The following KMT2C variants were observed in gnomAD, a reference collection of about 807,000 sequenced individuals.
The protein encoded by KMT2C is histone-lysine N-methyltransferase 2C.
KMT2C carries 88 observed loss-of-function variants against 507.9 expected under a neutral mutation model. That is an observed-to-expected ratio of 0.17 (90% confidence interval 0.15 to 0.21). KMT2C has a LOEUF of 0.21. Ranked by LOEUF, KMT2C falls within the 10% of genes least tolerant of loss-of-function variation. The pLI is 1.00. For missense variants in KMT2C, 4,954 were observed against 5,957.8 expected (o/e 0.83, Z 5.55); for synonymous variants, 2,049 against 2,080.8 (o/e 0.98, Z 0.42).
intron 8 of KMT2C, among the ~76,000 whole-genome samples, chr7:152,264,245 AAAT>A (rs1162893090): frequency 2.0e-5 from 3 of 152,194 alleles, no homozygotes; most frequent in African/African-American, 4.8e-5. Context: ...TTATCAAACT[AAAT>A]AATAAAAACA....
intron 44 of KMT2C, among the ~76,000 whole-genome samples, chr7:152,157,192 G>C (rs541074343): frequency 6.6e-6 from 1 of 151,678 alleles, no homozygotes; most frequent in Non-Finnish European, 1.5e-5. Context: ...TCAGGGTGTG[G>C]TGGTGCATGC....
At chr7:152,198,600 T>C (rs138279541) in intron 27 of KMT2C, among the ~76,000 whole-genome samples, 2 of 152,290 alleles carry the variant, frequency 1.3e-5, no homozygotes, top group African/African-American at 4.8e-5. Context: ...CTGACATTGC[T>C]GTAACTCTGT....
intron 1 of KMT2C, among the ~76,000 whole-genome samples, chr7:152,393,759 G>A (rs2097519120): frequency 6.6e-6 from 1 of 152,146 alleles, no homozygotes; most frequent in South Asian, 2.1e-4. Context: ...GGGCATGGTG[G>A]TGCATGCCTG....
intron 1 of KMT2C, among the ~76,000 whole-genome samples, chr7:152,434,691 T>G (rs2097899240): frequency 6.6e-6 from 1 of 152,178 alleles, no homozygotes; most frequent in Admixed American, 6.5e-5. Flanking sequence ...AGCAGTTCGC[T>G]GGCACTAAAA....
At chr7:152,223,918 A>T in intron 20 of KMT2C, 97 bp downstream of exon 20, 1 of 957,902 alleles carries the variant, frequency 1.0e-6, no homozygotes, top group Non-Finnish European at 1.5e-6. Flanking sequence ...TCTGTACCTA[A>T]AACTTGTGAT....
chr7:152,172,118 G>C (rs2092990671), intron 39 of KMT2C, among the ~76,000 whole-genome samples: 2 of 152,166 alleles, frequency 1.3e-5, no homozygotes, highest in Non-Finnish European at 2.9e-5. Flanking sequence ...TATAGAATAT[G>C]TTTTTAAATT....
At chr7:152,255,134 T>TATATATATATATATAC (rs2095634569) in intron 9 of KMT2C, among the ~76,000 whole-genome samples, 1 of 124,508 alleles carries the variant, frequency 8.0e-6, no homozygotes, top group Non-Finnish European at 1.6e-5. Flanking sequence ...TATATATATA[T>TATATATATATATATAC]ATATATATAT....
At chr7:152,326,836 G>A (rs1277572469) in intron 3 of KMT2C, among the ~76,000 whole-genome samples, 15 of 152,234 alleles carry the variant, frequency 9.9e-5, no homozygotes, top group East Asian at 3.9e-4. Context: ...AGCTGAGATC[G>A]TGCCACTGCA....
intron 1 of KMT2C, among the ~76,000 whole-genome samples, chr7:152,370,216 A>T (rs1041260747): frequency 6.6e-6 from 1 of 152,112 alleles, no homozygotes; most frequent in Non-Finnish European, 1.5e-5. Flanking sequence ...AGAAGACAAT[A>T]AAAGAGCAGT....
intron 1 of KMT2C, among the ~76,000 whole-genome samples, chr7:152,408,814 TAAA>T (rs33915849): frequency 4.3e-4 from 52 of 122,280 alleles, no homozygotes; most frequent in East Asian, 1.6e-3. Context: ...AAGGTTTTGT[TAAA>T]AAAAAAAAAA....
intron 15 of KMT2C, among the ~76,000 whole-genome samples, chr7:152,238,129 T>C (rs1424781801): frequency 6.6e-6 from 1 of 152,312 alleles, no homozygotes; most frequent in African/African-American, 2.4e-5. Flanking sequence ...ATATTAAATA[T>C]AGAATATGAA....
intron 1 of KMT2C, among the ~76,000 whole-genome samples, chr7:152,420,409 T>A (rs560619082): frequency 6.8e-4 from 104 of 152,354 alleles, no homozygotes; most frequent in African/African-American, 2.5e-3. Flanking sequence ...GTTTAGTATT[T>A]ATCTGCATCA....
chr7:152,359,894 C>A (rs1056121769), intron 1 of KMT2C, among the ~76,000 whole-genome samples: 1 of 150,886 alleles, frequency 6.6e-6, no homozygotes, highest in African/African-American at 2.4e-5. Flanking sequence ...ACTAAAAATA[C>A]AAAAATTAGC....
In KMT2C at chr7:152,157,059, T is replaced by C. The variant is rs567668414; in HGVS notation, c.11671-713A>G. On this transcript the variant is annotated intron_variant, in intron 44 of 58. Coordinates refer to ENST00000262189, the MANE Select transcript of KMT2C (RefSeq NM_170606.3). Reference sequence around the variant, plus strand: ...ATTTCATGAGGATGATAAAATAAGGTTGGAGAACAGCTTATGAGTTAAGAT... The same window carrying C: ...ATTTCATGAGGATGATAAAATAAGGCTGGAGAACAGCTTATGAGTTAAGAT... 2.6e-4 allele frequency among the ~76,000 whole-genome samples: 39 copies of C among 152,162 alleles called. No individual in the cohort carries two copies. In the South Asian group the frequency reaches 6.6e-3, roughly 26 times the overall value.
chr7:152,374,960 G>A (rs1400039240), intron 1 of KMT2C, among the ~76,000 whole-genome samples: 4 of 151,422 alleles, frequency 2.6e-5, no homozygotes, highest in South Asian at 2.1e-4. Context: ...AGAACTCCTC[G>A]ATTAAAAAAT....
chr7:152,159,372 G>A (rs778104139), intron 43 of KMT2C, among the ~76,000 whole-genome samples: 10 of 152,154 alleles, frequency 6.6e-5, no homozygotes, highest in Non-Finnish European at 1.3e-4. Flanking sequence ...CTGGGGCTGG[G>A]GAACCCCTTA....
intron 10 of KMT2C, among the ~76,000 whole-genome samples, 176 bp downstream of exon 10, chr7:152,252,370 T>G (rs1299394688): frequency 6.6e-6 from 1 of 152,196 alleles, no homozygotes; most frequent in Non-Finnish European, 1.5e-5. Context: ...TTTTGCCCAT[T>G]TACTTCCTTA....
chr7:152,254,025 T>C (rs1263064469), intron 9 of KMT2C, among the ~76,000 whole-genome samples: 3 of 152,146 alleles, frequency 2.0e-5, no homozygotes, highest in Non-Finnish European at 2.9e-5. Context: ...ACCAGGTTGA[T>C]ATGAAAGGGA....
Position 152,179,893 on chromosome 7 carries a change from A to C in KMT2C, c.7383T>G (p.Asp2461Glu). ...LGPRYAVFPKDQRGPYPPDVA... is the reference protein window; with the variant it reads ...LGPRYAVFPKEQRGPYPPDVA... ...CATCAGGAGGATAGGGTCCACGCTG[A>C]TCTTTTGGGAAAACAGCATATCTAG... Residue 2461 changes from aspartate to glutamate, a missense_variant, in exon 37 of 59, where the codon GAT (aspartate) becomes GAG (glutamate). Physicochemically the swap from Asp to Glu is conservative, Grantham distance 45. Around this residue, in one of 29 missense-constraint regions of KMT2C, gnomAD observed 1,689 missense variants for 1,654.3 expected, o/e 1.02. Coordinates refer to ENST00000262189, the MANE Select transcript of KMT2C (RefSeq NM_170606.3). 1.2e-6 allele frequency: 2 copies of C among 1,614,120 alleles called. No individual in the cohort carries two copies. Among genetic ancestry groups the C allele is most frequent in the Non-Finnish European group, 1.7e-6 (2 of 1,179,982 alleles).
Sources: allele counts gnomAD v4.1 joint callset (sites outside exome capture counted in the v4.1 genomes callset), GRCh38; gene constraint gnomAD v4.1.1; regional missense constraint gnomAD v4.1.1; transcripts MANE v1.5; gene names NCBI Gene and HGNC (gene_info 2026-07-23, HGNC 2026-07-21).